The following NEK4 variants were observed in gnomAD, a reference collection of about 807,000 sequenced individuals.
NEK4 encodes NIMA related kinase 4.
Under a neutral mutation model 98.4 loss-of-function variants are expected in NEK4, and 86 were observed. The ratio of observed to expected loss-of-function variants is 0.87; its 90% CI spans 0.73 to 1.05. NEK4 has a LOEUF of 1.05. Ranked by LOEUF, NEK4 falls within the 50% of genes least tolerant of loss-of-function variation. NEK4 has a pLI of 0.00. For synonymous variants in NEK4, 328 were observed against 342.2 expected (o/e 0.96, Z 0.46); for missense variants, 898 against 950.3 (o/e 0.94, Z 0.72).
intron 6 of NEK4, chr3:52,754,329 T>A: frequency 8.0e-6 from 3 of 372,974 alleles, no homozygotes; most frequent in South Asian, 6.8e-5. Flanking sequence ...GGAGGTGGAA[T>A]CATAACCAAA....
chr3:52,726,307 G>C (rs2097364478), intron 15 of NEK4, among the ~76,000 whole-genome samples: 1 of 152,108 alleles, frequency 6.6e-6, no homozygotes, highest in East Asian at 1.9e-4. Flanking sequence ...TAAGAAAATA[G>C]AGGACTTGGG....
chr3:52,770,864 C>G lies in NEK4; in HGVS notation c.-118G>C, dbSNP rs1449987395. 2 of 856,518 alleles carry G rather than the reference C, an allele frequency of 2.3e-6. No homozygotes were observed. Among genetic ancestry groups the G allele is most frequent in the East Asian group, 5.4e-5 (2 of 37,228 alleles). The allele number at this position is 856,518 out of a possible 1,614,324, so 53.1% of individuals were successfully genotyped here. On this transcript the variant is annotated 5_prime_UTR_variant, in exon 1 of 16. Transcript: ENST00000233027. ...GCAGTGGGGGCGGCTGTTGAGGCAG[C>G]CGGGCCCGGGCGGGATTGCTGGGGC...
intron 8 of NEK4, among the ~76,000 whole-genome samples, chr3:52,748,801 G>A: frequency 6.6e-6 from 1 of 152,200 alleles, no homozygotes; most frequent in African/African-American, 2.4e-5. Flanking sequence ...TAGATGCTCA[G>A]CCAGGCACAG....
chr3:52,737,382 C>T (rs2097377906), intron 15 of NEK4: 1 of 489,414 alleles, frequency 2.0e-6, no homozygotes, highest in African/African-American at 1.9e-5. Flanking sequence ...GGAGTGACTG[C>T]TAACAGGTGC....
chr3:52,765,920 C>A lies in NEK4; in HGVS notation c.633G>T (p.Met211Ile), dbSNP rs896765821. 4.8e-5 allele frequency: 78 copies of A among 1,609,938 alleles called. No individual in the cohort carries two copies. Among genetic ancestry groups the A allele is most frequent in the Non-Finnish European group, 6.2e-5 (73 of 1,176,432 alleles). Residue 211 changes from methionine (M) to isoleucine (I), a missense_variant, in exon 4 of 16, where the codon ATG becomes ATT. Transcript: ENST00000233027. Reference protein sequence around the residue: ...TLKHAFNAKDMNSLVYRIIEG... With the variant: ...TLKHAFNAKDINSLVYRIIEG... Reference sequence around the variant, plus strand: ...CAATAATCCGATAAACTAAAGAATTCATATCTTTTGCATTGAAAGCATGCT... The same window carrying A: ...CAATAATCCGATAAACTAAAGAATTAATATCTTTTGCATTGAAAGCATGCT...
At chr3:52,770,632 G>GC in intron 1 of NEK4, 22 bp downstream of exon 1, 13 of 1,156,886 alleles carry the variant, frequency 1.1e-5, no homozygotes, top group Non-Finnish European at 1.5e-5. Context: ...CCCGCCCCTT[G>GC]CCGGGCCCCA....
At chr3:52,768,635 G>A (rs375487201) in intron 1 of NEK4, 31 bp from the exon 2 acceptor site, 42 of 1,604,424 alleles carry the variant, frequency 2.6e-5, no homozygotes, top group Non-Finnish European at 3.6e-5. Flanking sequence ...TTTACAATGT[G>A]CAAATAAACG....
intron 15 of NEK4, chr3:52,734,666 C>CAAAAAAAAAA (rs59075830): frequency 1.4e-5 from 1 of 71,348 alleles, no homozygotes; most frequent in Non-Finnish European, 2.7e-5. Flanking sequence ...GACTCCGTCT[C>CAAAAAAAAAA]AAAAAAAAAA....
At chr3:52,722,713 G>C (rs1293825071) in intron 15 of NEK4, among the ~76,000 whole-genome samples, 1 of 151,914 alleles carries the variant, frequency 6.6e-6, no homozygotes. Context: ...GAGTGGCCTG[G>C]GTAACATGGC....
chr3:52,761,264 T>C (rs1038863826), intron 5 of NEK4, among the ~76,000 whole-genome samples: 1 of 152,116 alleles, frequency 6.6e-6, no homozygotes, highest in African/African-American at 2.4e-5. Flanking sequence ...ATTTAGTCAA[T>C]AGTAATATTT....
intron 7 of NEK4, among the ~76,000 whole-genome samples, chr3:52,750,439 T>C (rs1460810372): frequency 6.6e-6 from 1 of 152,010 alleles, no homozygotes; most frequent in Non-Finnish European, 1.5e-5. Flanking sequence ...TCCCAGGTAC[T>C]TGGGAGACGG....
intron 8 of NEK4, chr3:52,747,466 A>G (rs1446450659): frequency 2.0e-5 from 3 of 150,844 alleles, no homozygotes; most frequent in Non-Finnish European, 4.4e-5. Context: ...AAAAAAAAAA[A>G]AAAGAAAAGA....
intron 15 of NEK4, among the ~76,000 whole-genome samples, chr3:52,724,781 TA>T (rs2097363037): frequency 6.6e-6 from 1 of 152,202 alleles, no homozygotes; most frequent in Non-Finnish European, 1.5e-5. Flanking sequence ...AATAATGTAT[TA>T]CATATTTCAA....
Position 52,766,341 on chromosome 3 carries a change from A to G in NEK4, c.395T>C (p.Leu132Pro). ...LHEKHILHRD[L>P]KTQNVFLTRT... ...TGTTAGGAAGACATTTTGAGTTTTC[A>G]GATCTCGATGAAGGATGTGTTTTTC... is the stretch of plus-strand genomic sequence containing the variant. Residue 132 changes from leucine (L) to proline (P), a missense_variant, in exon 3 of 16, where the codon CTG (leucine) becomes CCG (proline). Coordinates refer to ENST00000233027, the MANE Select transcript of NEK4 (RefSeq NM_003157.6). 1 of 1,614,010 alleles carries G rather than the reference A, an allele frequency of 6.2e-7. No individual in the cohort carries two copies. The highest frequency in any genetic ancestry group is 8.5e-7 in the Non-Finnish European group (1 of 1,179,854).
intron 1 of NEK4, among the ~76,000 whole-genome samples, chr3:52,769,300 A>G (rs185778565): frequency 1.3e-5 from 2 of 152,360 alleles, no homozygotes; most frequent in East Asian, 1.9e-4. Flanking sequence ...TAGCTTGACT[A>G]TACATTTGCA....
chr3:52,712,608 A>G (rs1018139710), intron 15 of NEK4, among the ~76,000 whole-genome samples: 4 of 152,196 alleles, frequency 2.6e-5, no homozygotes, highest in Non-Finnish European at 4.4e-5. Flanking sequence ...TGGAGAATGA[A>G]TGCAAGGTTT....
rs1238390 is a variant in NEK4 at position 52,739,313 on chromosome 3, C to T, written c.2299+116G>A. 365 of 770,430 alleles carry T rather than the reference C, an allele frequency of 4.7e-4. 1 individual carries two copies. The highest frequency in any genetic ancestry group is 7.5e-4 in the Non-Finnish European group (341 of 457,124). The allele number at this position is 770,430 out of a possible 1,614,324, so 47.7% of individuals were successfully genotyped here. On this transcript the variant is annotated intron_variant, in intron 14 of 15. Transcript: ENST00000233027. ...ACTTGGGAGGCTGAAGCAGGAGAAT[C>T]GCTTGAACCCGGGAGGCAAAGGTTG...
At chr3:52,737,356 G>A in intron 15 of NEK4, 2 of 420,718 alleles carry the variant, frequency 4.8e-6, no homozygotes, top group East Asian at 3.4e-5. Flanking sequence ...TTCAGATTTG[G>A]CAGTGCGGAC....
Position 52,768,467 on chromosome 3 carries a change from A to C in NEK4, c.231T>G (p.Gly77=). ...TYKESWEGGD[G]LLYIVMGFCE... is the part of the protein sequence containing the mutation. ...AGAAGCCCATGACAATGTAGAGCAG[A>C]CCATCTCCTCCTTCCCATGACTCCT... The change falls in exon 2 of 16, where the codon GGT becomes GGG. Residue 77 remains glycine, a synonymous_variant. Coordinates refer to ENST00000233027, the MANE Select transcript of NEK4 (RefSeq NM_003157.6). 1 of 1,614,226 alleles carries C rather than the reference A, an allele frequency of 6.2e-7. No homozygotes were observed. Among genetic ancestry groups the C allele is most frequent in the Non-Finnish European group, 8.5e-7 (1 of 1,180,030 alleles).
Sources: allele counts gnomAD v4.1 joint callset (sites outside exome capture counted in the v4.1 genomes callset), GRCh38; gene constraint gnomAD v4.1.1; transcripts MANE v1.5; gene names NCBI Gene and HGNC (gene_info 2026-07-23, HGNC 2026-07-21).